Variants in KIF9 observed in about 807,000 individuals in gnomAD.
The protein encoded by KIF9 is kinesin-like protein KIF9.
A neutral mutation model predicts 94.8 loss-of-function variants in KIF9; 68 were observed. The observed-to-expected ratio is 0.72, with a 90% CI of 0.59 to 0.88. The LOEUF (loss-of-function observed/expected upper bound fraction) is 0.88, where lower values mean the gene tolerates loss of function less well. Ranked by LOEUF, KIF9 falls within the 40% of genes least tolerant of loss-of-function variation. The pLI is 0.00. For missense variants in KIF9, 882 were observed against 982.5 expected (o/e 0.90, Z 1.37); for synonymous variants, 343 against 362.1 (o/e 0.95, Z 0.60).
intron 20 of KIF9, among the ~76,000 whole-genome samples, chr3:47,229,165 C>T (rs1374392728): frequency 6.6e-6 from 1 of 152,212 alleles, no homozygotes; most frequent in Non-Finnish European, 1.5e-5. Context: ...GAAACAGAAA[C>T]AGTGGGCTGT....
At position 47,240,785 on chromosome 3, in the gene KIF9, T is replaced by C. The variant is rs762601923; in HGVS notation, c.1924+16A>G. On this transcript the variant is annotated intron_variant, in intron 17 of 20. Coordinates refer to ENST00000684063, the MANE Select transcript of KIF9 (RefSeq NM_182902.4). ...GAGACCCCAAAGCTCCCTAGCCCTC[T>C]TTCCAACACATTTACCTTGCTTCTC... is the stretch of plus-strand genomic sequence containing the variant. The C allele has an allele frequency of 6.2e-7, 1 of 1,609,508 alleles. No individual in the cohort carries two copies. Among genetic ancestry groups the C allele is most frequent in the Non-Finnish European group, 8.5e-7 (1 of 1,175,912 alleles).
At position 47,282,771 on chromosome 3, in the gene KIF9, G is replaced by A. The variant is rs1019020936; in HGVS notation, c.-282C>T. On this transcript the variant is annotated 5_prime_UTR_variant, in exon 1 of 21. Coordinates refer to ENST00000684063, the MANE Select transcript of KIF9 (RefSeq NM_182902.4). ...CGAAGTCAAGGTCGAGATAGCGAGG[G>A]AACGAAGGCCGCACATGAACCAGGA... The A allele has an allele frequency of 3.5e-5, 50 of 1,430,696 alleles. No individual in the cohort carries two copies. The highest frequency in any genetic ancestry group is 4.5e-5 in the Non-Finnish European group (49 of 1,096,460). 88.6% of individuals were successfully genotyped at this position (1,430,696 alleles called of 1,614,324 possible). A position where few individuals can be genotyped will look rare whatever the true frequency, so the allele number is the denominator to read the frequency against.
At chr3:47,234,689 G>A (rs958774884) in intron 20 of KIF9, among the ~76,000 whole-genome samples, 1 of 150,730 alleles carries the variant, frequency 6.6e-6, no homozygotes. Context: ...TGAGTAGCTG[G>A]AATTACAGAC....
At position 47,236,563 on chromosome 3, in the gene KIF9, G is replaced by A. The variant is rs1183096045; in HGVS notation, c.1981C>T (p.Leu661Phe). The change falls in exon 18 of 21, where the codon CTC (leucine) becomes TTC (phenylalanine). Residue 661 changes from leucine (L) to phenylalanine (F), a missense_variant. Transcript: ENST00000684063. ...IIDEEEFLLI[L>F]KLKDLKKQYR... Reference sequence around the variant, plus strand: ...TGCTTCTTGAGGTCTTTGAGCTTGAGGATCAGCAGGAATTCTTCCTCATCG... The same window carrying A: ...TGCTTCTTGAGGTCTTTGAGCTTGAAGATCAGCAGGAATTCTTCCTCATCG... 4 of 1,614,090 alleles carry A rather than the reference G, an allele frequency of 2.5e-6. No homozygotes were observed. The Admixed American group carries it at 6.7e-5, about 27-fold the overall frequency.
intron 2 of KIF9, 38 bp from the exon 3 acceptor site, chr3:47,275,528 G>C (rs1410988098): frequency 6.6e-7 from 1 of 1,514,842 alleles, no homozygotes; most frequent in Non-Finnish European, 9.1e-7. Flanking sequence ...AATGTTATTT[G>C]TTCAAAAATG....
In KIF9 at chr3:47,272,457, T is replaced by C. The variant is rs75174188; in HGVS notation, c.367-996A>G. 9.3e-4 allele frequency among the ~76,000 whole-genome samples: 142 copies of C among 152,346 alleles called. 2 individuals carry two copies. The East Asian group carries it at 0.025, about 27-fold the overall frequency. The stretch of plus-strand genomic sequence containing the variant: ...AAGTATGTCTGGAACAACTTGGGTA[T>C]GTAAATCTACTTTTTCAACATTTTA... On this transcript the variant is annotated intron_variant, in intron 4 of 20. Coordinates refer to ENST00000684063, the MANE Select transcript of KIF9 (RefSeq NM_182902.4).
intron 19 of KIF9, 40 bp from the exon 20 acceptor site, chr3:47,235,657 T>C (rs776650017): frequency 6.7e-7 from 1 of 1,502,026 alleles, no homozygotes; most frequent in Non-Finnish European, 9.3e-7. Context: ...ATTGTCAGGA[T>C]ATACCCTAGC....
intron 10 of KIF9, among the ~76,000 whole-genome samples, chr3:47,256,771 G>GGAGACCTTTCATTTTGTTCTGT (rs1700643650): frequency 1.3e-5 from 2 of 152,216 alleles, no homozygotes; most frequent in Admixed American, 6.5e-5. Flanking sequence ...GGTAGACATG[G>GGAGACCTTTCATTTTGTTCTGT]GAGACCTTTC....
chr3:47,260,950 G>C (rs1700932066), intron 9 of KIF9, among the ~76,000 whole-genome samples: 1 of 152,238 alleles, frequency 6.6e-6, no homozygotes, highest in South Asian at 2.1e-4. Context: ...ATGACAGGGT[G>C]CTCTGGGAGG....
intron 2 of KIF9, among the ~76,000 whole-genome samples, chr3:47,276,302 T>C (rs1291443417): frequency 6.6e-6 from 1 of 152,126 alleles, no homozygotes. Context: ...ACGCCTGTAA[T>C]CCCAGCACTT....
At chr3:47,265,600 G>T in intron 8 of KIF9, 130 bp downstream of exon 8, 1 of 911,042 alleles carries the variant, frequency 1.1e-6, no homozygotes, top group Non-Finnish European at 1.7e-6. Context: ...AAGTCACTGT[G>T]AATGTGCTGC....
rs1190558155 is a variant in KIF9, at chr3:47,282,551, A to G, written c.-62T>C. 1.3e-5 allele frequency: 13 copies of G among 1,013,138 alleles called. No individual in the cohort carries two copies. Among genetic ancestry groups the G allele is most frequent in the Non-Finnish European group, 1.5e-5 (13 of 845,906 alleles). 62.8% of individuals were successfully genotyped at this position (1,013,138 alleles called of 1,614,324 possible). On this transcript the variant is annotated 5_prime_UTR_variant, in exon 1 of 21. Transcript: ENST00000684063. ...GACTGCCGCAACCGAAACCACCTGC[A>G]CTCCCCACGCGGGGCTGCCTGGCTG...
chr3:47,248,482 G>A (rs1046055561), intron 10 of KIF9, among the ~76,000 whole-genome samples: 2 of 151,720 alleles, frequency 1.3e-5, no homozygotes, highest in African/African-American at 4.8e-5. Context: ...TGCTCTTGTC[G>A]CCCGGGCTGG....
Position 47,228,074 on chromosome 3 carries a change from C to T in KIF9, c.*578G>A, listed in dbSNP as rs932667582. 6.5e-6 allele frequency: 1 copy of T among 152,798 alleles called. No individual in the cohort carries two copies. The highest frequency in any genetic ancestry group is 1.5e-5 in the Non-Finnish European group (1 of 68,534). 9.5% of individuals were successfully genotyped at this position (152,798 alleles called of 1,614,324 possible). On this transcript the variant is annotated 3_prime_UTR_variant, in exon 21 of 21. Transcript: ENST00000684063. Reference sequence around the variant, plus strand: ...TCCCTTTCTGGTCTCTGTGGCTAGACCTTATCCTCCCCTGGTTGCCAAATG... The same window carrying T: ...TCCCTTTCTGGTCTCTGTGGCTAGATCTTATCCTCCCCTGGTTGCCAAATG...
At chr3:47,254,988 C>G (rs1037073289) in intron 10 of KIF9, among the ~76,000 whole-genome samples, 2 of 152,128 alleles carry the variant, frequency 1.3e-5, no homozygotes, top group African/African-American at 4.8e-5. Flanking sequence ...AAGCTCCACT[C>G]CCTCCCCAGT....
chr3:47,241,506 G>C (rs1316556458), intron 16 of KIF9, among the ~76,000 whole-genome samples: 1 of 151,182 alleles, frequency 6.6e-6, no homozygotes, highest in Non-Finnish European at 1.5e-5. Flanking sequence ...ATTTTTAGTA[G>C]AGACCAGGTT....
chr3:47,280,967 T>C lies in KIF9; in HGVS notation c.-6+1528A>G, dbSNP rs1350994131. On this transcript the variant is annotated intron_variant, in intron 1 of 20. Coordinates refer to ENST00000684063, the MANE Select transcript of KIF9 (RefSeq NM_182902.4). ...TTGCACTTACTGAAATACTGCTTGTTACCATTCTTACGTCGCTTCATTTGA... is the reference window on the plus strand; with the variant it reads ...TTGCACTTACTGAAATACTGCTTGTCACCATTCTTACGTCGCTTCATTTGA... The C allele has an allele frequency of 5.7e-6, 4 of 702,976 alleles. No individual in the cohort carries two copies. In the African/African-American group the frequency reaches 7.0e-5, roughly 12 times the overall value. 43.5% of individuals were successfully genotyped at this position (702,976 alleles called of 1,614,324 possible).
intron 17 of KIF9, among the ~76,000 whole-genome samples, chr3:47,238,888 C>T (rs1016848048): frequency 2.0e-5 from 3 of 152,182 alleles, no homozygotes; most frequent in African/African-American, 7.2e-5. Context: ...TGGCCTTGAT[C>T]TCCTGACCTC....
intron 4 of KIF9, 25 bp from the exon 5 acceptor site, chr3:47,271,486 C>A: frequency 1.3e-6 from 2 of 1,592,714 alleles, no homozygotes; most frequent in South Asian, 2.2e-5. Context: ...GTACAGCGGT[C>A]ACCAAGAGCA....
Sources: gnomAD v4.1 joint callset for allele counts (sites outside exome capture counted in the v4.1 genomes callset) on GRCh38, gnomAD v4.1.1 for gene constraint, MANE v1.5 for transcripts, NCBI Gene and HGNC (gene_info 2026-07-23, HGNC 2026-07-21) for gene names.